ESR1: variants seen among roughly 807,000 people sequenced by gnomAD.
The protein encoded by ESR1 is estrogen receptor 1.
ESR1 carries 12 observed loss-of-function variants against 52.7 expected under a neutral mutation model. The ratio of observed to expected loss-of-function variants is 0.23; its 90% confidence interval spans 0.15 to 0.37. The LOEUF (loss-of-function observed/expected upper bound fraction) is 0.37, where lower values mean the gene tolerates loss of function less well. Ranked by LOEUF, ESR1 falls within the 10% of genes least tolerant of loss-of-function variation. ESR1 has a pLI of 1.00. For missense variants in ESR1, 584 were observed against 779.7 expected (o/e 0.75, Z 2.99); for synonymous variants, 305 against 316.8 (o/e 0.96, Z 0.39).
At chr6:151,889,238 G>C (rs540034025) in intron 3 of ESR1, among the ~76,000 whole-genome samples, 3 of 152,100 alleles carry the variant, frequency 2.0e-5, no homozygotes, top group Non-Finnish European at 4.4e-5. Context: ...TTGAGGATTG[G>C]TATTAGTTCT....
At chr6:151,784,215 G>T (rs528151329) in intron 2 of ESR1, among the ~76,000 whole-genome samples, 1 of 152,216 alleles carries the variant, frequency 6.6e-6, no homozygotes, top group Non-Finnish European at 1.5e-5. Flanking sequence ...TTTGAGAGTT[G>T]TGTATGTACA....
rs188995750 is a variant in ESR1, at chr6:151,957,506, C to A, written c.1096+12998C>A. On this transcript the variant is annotated intron_variant, in intron 4 of 7. Transcript: ENST00000206249. ...CTTCAAACAATCTTATTACCACTAA[C>A]CAAAAACAATTAAAATTTGATTGTT... 2.7e-4 allele frequency among the ~76,000 whole-genome samples: 38 copies of A among 141,758 alleles called. No individual in the cohort carries two copies. In the East Asian group the frequency reaches 6.6e-3, roughly 25 times the overall value. The allele number at this position is 141,758 out of a possible 152,430, so 93.0% of individuals were successfully genotyped here. A position where few individuals can be genotyped will look rare whatever the true frequency, so the allele number is the denominator to read the frequency against.
chr6:151,965,341 C>T (rs898456909), intron 4 of ESR1, among the ~76,000 whole-genome samples: 1 of 152,034 alleles, frequency 6.6e-6, no homozygotes, highest in African/African-American at 2.4e-5. Context: ...CTTTGAATAT[C>T]TTTGTCTAGC....
chr6:151,761,044 C>T (rs950266522), intron 2 of ESR1, among the ~76,000 whole-genome samples: 3 of 152,092 alleles, frequency 2.0e-5, no homozygotes, highest in African/African-American at 7.2e-5. Context: ...TCGCTCTCTA[C>T]TAGCATGCTG....
At chr6:151,942,327 A>G (rs945525789) in intron 3 of ESR1, among the ~76,000 whole-genome samples, 5 of 152,106 alleles carry the variant, frequency 3.3e-5, no homozygotes, top group Non-Finnish European at 7.4e-5. Context: ...ACAAAAGCAA[A>G]CTTCTTTTCA....
chr6:152,110,759 C>T lies in ESR1; in HGVS notation c.851-14507C>T, dbSNP rs75473134. ...AAGAAAAACTCATAAGAACTTTTAA[C>T]GCAAAAGGAGTATTTCATCAAAGAA... On this transcript the variant is annotated intron_variant, in intron 6 of 6. Coordinates refer to the ESR1 transcript ENST00000427531. Among the ~76,000 whole-genome samples, 49 of 152,234 alleles carry T rather than the reference C, an allele frequency of 3.2e-4. No individual in the cohort carries two copies. In the East Asian group the frequency reaches 6.2e-3, roughly 19 times the overall value.
chr6:151,873,746 T>A (rs1036766538), intron 2 of ESR1, among the ~76,000 whole-genome samples: 3 of 152,252 alleles, frequency 2.0e-5, no homozygotes, highest in South Asian at 2.1e-4. Flanking sequence ...GATTTAAAGC[T>A]GTATTTAACA....
intron 2 of ESR1, among the ~76,000 whole-genome samples, chr6:151,773,211 G>C (rs537472532): frequency 6.6e-6 from 1 of 152,162 alleles, no homozygotes; most frequent in Non-Finnish European, 1.5e-5. Context: ...AAGGCAGAGT[G>C]GGGGGTGATG....
rs3798758 is a variant in ESR1, at chr6:152,100,719, C to A, written c.*1753C>A. 17,106 of 222,140 alleles carry A rather than the reference C, an allele frequency of 0.077. 1,196 individuals are homozygous for A. The highest frequency in any genetic ancestry group is 0.27 in the East Asian group (4,114 of 15,396). The allele number at this position is 222,140 out of a possible 1,614,324, so 13.8% of individuals were successfully genotyped here. On this transcript the variant is annotated 3_prime_UTR_variant, in exon 8 of 8. Coordinates refer to ENST00000206249, the MANE Select transcript of ESR1 (RefSeq NM_000125.4). ...CTTGTTTGGAAAAGTGGATTTCATTCATTTCTGATTGTCCAGTTAAGTGAT... is the reference window on the plus strand; with the variant it reads ...CTTGTTTGGAAAAGTGGATTTCATTAATTTCTGATTGTCCAGTTAAGTGAT...
chr6:151,853,169 C>CAAAAAAAAAAAAAAAA (rs386408969), intron 2 of ESR1, among the ~76,000 whole-genome samples: 31 of 42,892 alleles, frequency 7.2e-4, no homozygotes, highest in East Asian at 1.9e-3. Context: ...AGACTCGTCT[C>CAAAAAAAAAAAAAAAA]AAAAAAAAAA....
At chr6:152,035,183 C>T (rs1306959462) in intron 5 of ESR1, among the ~76,000 whole-genome samples, 1 of 151,940 alleles carries the variant, frequency 6.6e-6, no homozygotes, top group Non-Finnish European at 1.5e-5. Flanking sequence ...TGTTATTTTG[C>T]TAATATACAA....
chr6:151,665,258 A>G (rs998548750), intron 1 of ESR1, among the ~76,000 whole-genome samples: 4 of 152,304 alleles, frequency 2.6e-5, no homozygotes, highest in African/African-American at 9.6e-5. Context: ...ATGAGGTGGG[A>G]AAGGTCAGAG....
chr6:151,702,981 G>A (rs1375801573), intron 2 of ESR1, among the ~76,000 whole-genome samples: 1 of 152,174 alleles, frequency 6.6e-6, no homozygotes, highest in Non-Finnish European at 1.5e-5. Flanking sequence ...AAAAGCACAG[G>A]AAGTCTGCAC....
At chr6:151,803,372 C>G (rs760558476), upstream of ESR1, among the ~76,000 whole-genome samples, 1 of 152,132 alleles carries the variant, frequency 6.6e-6, no homozygotes, top group Non-Finnish European at 1.5e-5. Flanking sequence ...AAGAGGCATG[C>G]TTTCCCCTGA....
rs539692951 is a variant in ESR1 at position 151,670,618 on chromosome 6, C to G, written n.73+13855C>G. On this transcript the variant is annotated intron_variant and non_coding_transcript_variant, in intron 1 of 2. Transcript: ENST00000473497. Reference sequence around the variant, plus strand: ...AATTTTTTTTTGAGACAGTCTTGCTCTGTCACCCAGACTGGAGTGCAGTGG... The same window carrying G: ...AATTTTTTTTTGAGACAGTCTTGCTGTGTCACCCAGACTGGAGTGCAGTGG... Among the ~76,000 whole-genome samples the G allele has an allele frequency of 1.6e-4, 25 of 152,284 alleles. No individual in the cohort carries two copies. The South Asian group carries it at 4.1e-3, about 25-fold the overall frequency.
rs1319182444 is a variant in ESR1 at position 151,842,611 on chromosome 6, A to C, written c.467A>C (p.Asn156Thr). The C allele has an allele frequency of 1.2e-6, 2 of 1,613,428 alleles. No individual in the cohort carries two copies. The highest frequency in any genetic ancestry group is 1.7e-5 in the Admixed American group (1 of 59,880). The change falls in exon 2 of 8, where the codon AAT (asparagine) becomes ACT (threonine). Residue 156 changes from asparagine (N) to threonine (T), a missense_variant. Asn to Thr is a moderately conservative substitution (Grantham distance 65, BLOSUM62 0). Coordinates refer to ENST00000206249, the MANE Select transcript of ESR1 (RefSeq NM_000125.4). The stretch of plus-strand genomic sequence containing the variant: ...TTTCCCCCCAGGCCAAATTCAGATA[A>C]TCGACGCCAGGGTGGCAGAGAAAGA... ...PPAFYRPNSD[N>T]RRQGGRERLA...
intron 4 of ESR1, among the ~76,000 whole-genome samples, chr6:151,958,568 G>C (rs547825647): frequency 6.6e-6 from 1 of 152,190 alleles, no homozygotes; most frequent in African/African-American, 2.4e-5. Flanking sequence ...AATGTTCATT[G>C]TTATCTTGTG....
At chr6:152,104,657 ACT>A (rs2051040955), downstream of ESR1, among the ~76,000 whole-genome samples, 1 of 151,996 alleles carries the variant, frequency 6.6e-6, no homozygotes, top group African/African-American at 2.4e-5. Flanking sequence ...AATTTCTAAA[ACT>A]CTTGTAGACA....
intron 3 of ESR1, among the ~76,000 whole-genome samples, chr6:151,894,317 G>A (rs1317629000): frequency 6.6e-6 from 1 of 151,902 alleles, no homozygotes; most frequent in Non-Finnish European, 1.5e-5. Flanking sequence ...TAGATGTATA[G>A]ATTATGTCTC....
Sources: allele counts gnomAD v4.1 joint callset (sites outside exome capture counted in the v4.1 genomes callset), GRCh38; gene constraint gnomAD v4.1.1; transcripts MANE v1.5; gene names NCBI Gene and HGNC (gene_info 2026-07-23, HGNC 2026-07-21).